The following MAMDC2 variants were observed in gnomAD, a reference collection of about 807,000 sequenced individuals.
MAMDC2 encodes MAM domain containing 2.
Under a neutral mutation model 89.8 loss-of-function variants are expected in MAMDC2, and 57 were observed. That is an observed-to-expected ratio of 0.63 (90% CI 0.51 to 0.79). MAMDC2 has a LOEUF of 0.79. Among genes scored for constraint, MAMDC2 ranks in the 30% least tolerant of loss-of-function variants. The probability of loss-of-function intolerance (pLI) is 0.00; values close to 1 mark genes in which losing one functional copy is unlikely to be tolerated. For missense variants in MAMDC2, 800 were observed against 820.6 expected (o/e 0.97, Z 0.31); for synonymous variants, 313 against 293.4 (o/e 1.07, Z -0.68).
rs2118155695 is a variant in MAMDC2 at position 70,086,173 on chromosome 9, TTAA to T, written c.149-22037_149-22035del. 1.3e-5 allele frequency: 2 copies of T among 152,270 alleles called. 1 individual carries two copies. Among genetic ancestry groups the T allele is most frequent in the South Asian group, 4.1e-4 (2 of 4,826 alleles). The allele number at this position is 152,270 out of a possible 1,614,324, so 9.4% of individuals were successfully genotyped here. ...ACACTTTTTAAAAATTTGAAATACT[TTAA>T]ACTTGCATACAGTGTCAAAACTTGC... On this transcript the variant is annotated intron_variant, in intron 2 of 13. Coordinates refer to ENST00000377182, the MANE Select transcript of MAMDC2 (RefSeq NM_153267.5).
intron 2 of MAMDC2, among the ~76,000 whole-genome samples, chr9:70,068,725 C>A (rs371741496): frequency 0.015 from 1,456 of 99,624 alleles, no homozygotes; most frequent in South Asian, 0.018. Flanking sequence ...CCCTCCATCA[C>A]AAAAAAAAAA....
chr9:70,166,892 A>G (rs1253834520), intron 9 of MAMDC2, among the ~76,000 whole-genome samples: 2 of 152,182 alleles, frequency 1.3e-5, no homozygotes, highest in African/African-American at 4.8e-5. Context: ...CATAAAATAA[A>G]GCCAAGACTC....
intron 2 of MAMDC2, among the ~76,000 whole-genome samples, chr9:70,077,180 T>C (rs1827550693): frequency 6.6e-6 from 1 of 152,230 alleles, no homozygotes; most frequent in Admixed American, 6.6e-5. Context: ...GGCTTGAGGC[T>C]ATGTTTTCAC....
At chr9:70,179,621 G>GAA (rs547265087) in intron 11 of MAMDC2, among the ~76,000 whole-genome samples, 6,550 of 116,234 alleles carry the variant, frequency 0.056, 177 homozygotes, top group South Asian at 0.085. Context: ...TTCTACAAAT[G>GAA]AAAAAAAAAA....
intron 2 of MAMDC2, among the ~76,000 whole-genome samples, chr9:70,098,026 G>A (rs905373761): frequency 6.6e-6 from 1 of 152,184 alleles, no homozygotes. Context: ...TTGGAAGCCC[G>A]ATGGACTTGT....
chr9:70,137,206 C>A (rs1271910332), intron 7 of MAMDC2, among the ~76,000 whole-genome samples: 4 of 152,088 alleles, frequency 2.6e-5, no homozygotes, highest in South Asian at 2.1e-4. Flanking sequence ...CAAACTCAGA[C>A]AAAATCTGCA....
chr9:70,126,115 C>G (rs201767775), intron 5 of MAMDC2, 44 bp from the exon 6 acceptor site: 3 of 1,541,604 alleles, frequency 1.9e-6, no homozygotes, highest in African/African-American at 2.7e-5. Flanking sequence ...TCCCCTCCCC[C>G]ACCCCCAACT....
At chr9:70,224,118 T>G (rs1037577259) in intron 12 of MAMDC2, among the ~76,000 whole-genome samples, 8 of 152,182 alleles carry the variant, frequency 5.3e-5, no homozygotes, top group Admixed American at 2.6e-4. Context: ...TGTCCTTTTA[T>G]CTAGGTGTGT....
intron 2 of MAMDC2, among the ~76,000 whole-genome samples, chr9:70,064,903 C>T (rs151275448): frequency 2.6e-5 from 4 of 152,100 alleles, no homozygotes; most frequent in African/African-American, 7.2e-5. Context: ...TATATAACCT[C>T]GTGCTACAAA....
intron 5 of MAMDC2, among the ~76,000 whole-genome samples, chr9:70,124,184 T>A (rs1261868997): frequency 6.6e-6 from 1 of 152,192 alleles, no homozygotes; most frequent in Non-Finnish European, 1.5e-5. Context: ...AGCCGGTTAT[T>A]GCCGCATAAG....
At chr9:70,188,404 A>C (rs2118595311) in intron 11 of MAMDC2, among the ~76,000 whole-genome samples, 1 of 150,346 alleles carries the variant, frequency 6.7e-6, no homozygotes, top group South Asian at 2.1e-4. Flanking sequence ...TTATTCTATT[A>C]CTGTTTTTCA....
intron 9 of MAMDC2, 90 bp from the exon 10 acceptor site, chr9:70,168,612 C>T: frequency 2.1e-6 from 2 of 969,226 alleles, no homozygotes; most frequent in South Asian, 1.4e-5. Context: ...TTTGCCTATG[C>T]TCGCCTGCTG....
At chr9:70,099,075 C>T (rs1364723342) in intron 2 of MAMDC2, among the ~76,000 whole-genome samples, 1 of 151,980 alleles carries the variant, frequency 6.6e-6, no homozygotes, top group African/African-American at 2.4e-5. Flanking sequence ...AAACTTCAAA[C>T]AGAAGATGAG....
At chr9:70,084,705 G>A (rs541967787) in intron 2 of MAMDC2, among the ~76,000 whole-genome samples, 16 of 152,226 alleles carry the variant, frequency 1.1e-4, no homozygotes, top group African/African-American at 3.9e-4. Context: ...TGGCTTCCCA[G>A]TTATTATGAT....
intron 11 of MAMDC2, among the ~76,000 whole-genome samples, chr9:70,199,225 A>G (rs1225115926): frequency 1.8e-5 from 1 of 54,566 alleles, no homozygotes; most frequent in Non-Finnish European, 3.4e-5. Flanking sequence ...CACAGTCCCC[A>G]GAGTGTGATA....
chr9:70,150,208 T>A (rs933841010), intron 9 of MAMDC2, among the ~76,000 whole-genome samples: 1 of 152,064 alleles, frequency 6.6e-6, no homozygotes, highest in Non-Finnish European at 1.5e-5. Context: ...CCACAGAGAG[T>A]ACATGTTTCT....
At chr9:70,198,816 A>C (rs1028824853) in intron 11 of MAMDC2, among the ~76,000 whole-genome samples, 1 of 152,168 alleles carries the variant, frequency 6.6e-6, no homozygotes, top group African/African-American at 2.4e-5. Flanking sequence ...AAATATTAAT[A>C]ACACAATAAA....
chr9:70,196,606 A>T (rs2032979000), intron 11 of MAMDC2, among the ~76,000 whole-genome samples: 1 of 152,152 alleles, frequency 6.6e-6, no homozygotes, highest in East Asian at 1.9e-4. Context: ...AAGAGGTTGC[A>T]TCTGCTAATG....
At chr9:70,070,848 AT>A (rs1460903713) in intron 2 of MAMDC2, among the ~76,000 whole-genome samples, 3 of 152,154 alleles carry the variant, frequency 2.0e-5, no homozygotes, top group Admixed American at 6.5e-5. Flanking sequence ...TCTACAGTCA[AT>A]TTTTTCCTCC....
Sources: allele counts gnomAD v4.1 joint callset (sites outside exome capture counted in the v4.1 genomes callset), GRCh38; gene constraint gnomAD v4.1.1; transcripts MANE v1.5; gene names NCBI Gene and HGNC (gene_info 2026-07-23, HGNC 2026-07-21).